Variants in SRSF11 observed in about 807,000 individuals in gnomAD.
SRSF11 encodes the protein serine and arginine rich splicing factor 11, also known as serine/arginine-rich splicing factor 11.
A neutral mutation model predicts 56.0 loss-of-function variants in SRSF11; 9 were observed. That is an observed-to-expected ratio of 0.16 (90% CI 0.10 to 0.28). The LOEUF is 0.28. Among genes scored for constraint, SRSF11 ranks in the 10% least tolerant of loss-of-function variants. The probability of loss-of-function intolerance (pLI) is 1.00; values close to 1 mark genes in which losing one functional copy is unlikely to be tolerated. For missense variants in SRSF11, 421 were observed against 600.7 expected (o/e 0.70, Z 3.13); for synonymous variants, 222 against 215.3 (o/e 1.03, Z -0.27).
intron 8 of SRSF11, 64 bp from the exon 9 acceptor site, chr1:70,246,754 G>A: frequency 1.0e-6 from 1 of 975,092 alleles, no homozygotes; most frequent in Admixed American, 2.1e-5. Context: ...TGTGTTTGTA[G>A]TGCTATATAA....
rs144286981 is a variant in SRSF11, at chr1:70,234,733, C to G, written c.485C>G (p.Thr162Ser). The change falls in exon 4 of 12, where the codon ACT becomes AGT. Residue 162 changes from threonine (T) to serine (S), a missense_variant. Thr to Ser is a moderately conservative substitution (Grantham distance 58). Transcript: ENST00000370949. ...CCACTGGCTGCTTTGGGGGCTCCTA[C>G]TCTTGATCCTGCCCTTGCTGCACTT... ...AVPLAALGAP[T>S]LDPALAALGL... 1.2e-6 allele frequency: 2 copies of G among 1,610,078 alleles called. No homozygotes were observed. Among genetic ancestry groups the G allele is most frequent in the African/African-American group, 2.7e-5 (2 of 74,892 alleles).
intron 4 of SRSF11, 50 bp from the exon 5 acceptor site, chr1:70,235,451 T>C (rs1259295438): frequency 2.7e-6 from 4 of 1,457,000 alleles, no homozygotes; most frequent in Non-Finnish European, 3.8e-6. Flanking sequence ...AAAATATCGG[T>C]CATTTATTGT....
intron 1 of SRSF11, among the ~76,000 whole-genome samples, chr1:70,227,556 G>T (rs942115239): frequency 6.6e-6 from 1 of 152,032 alleles, no homozygotes; most frequent in African/African-American, 2.4e-5. Flanking sequence ...CTGCCTTAGG[G>T]CACTAGCTTT....
At position 70,244,685 on chromosome 1, in the gene SRSF11, C is replaced by T. The variant is rs761258526; in HGVS notation, c.802C>T (p.Arg268Trp). The T allele has an allele frequency of 1.7e-5, 28 of 1,613,414 alleles. 1 individual carries two copies. Among genetic ancestry groups the T allele is most frequent in the East Asian group, 2.2e-5 (1 of 44,854 alleles). ...ATTGGCTTCCTTTTACACTATTAGG[C>T]GGTCAAGAAGCAGATCGAGACGGCG... Reference protein sequence around the residue: ...RRTPSSSRHRRSRSRSRRRSH... With the variant: ...RRTPSSSRHRWSRSRSRRRSH... Residue 268 changes from arginine (R) to tryptophan (W), a missense_variant and splice_region_variant, in exon 8 of 12, where the codon CGG becomes TGG. By Grantham distance (101) the Arg-to-Trp change is moderately radical. Coordinates refer to ENST00000370949, the MANE Select transcript of SRSF11 (RefSeq NM_001350605.2).
intron 1 of SRSF11, among the ~76,000 whole-genome samples, chr1:70,206,046 C>G (rs534950860): frequency 4.9e-4 from 74 of 152,280 alleles, no homozygotes; most frequent in Non-Finnish European, 6.8e-4. Flanking sequence ...AAGAAATTTT[C>G]TGTTCTTAAG....
intron 7 of SRSF11, 111 bp downstream of exon 7, chr1:70,239,631 C>T (rs1385616483): frequency 1.3e-6 from 1 of 762,266 alleles, no homozygotes; most frequent in Non-Finnish European, 2.1e-6. Context: ...GTTTTAGTAA[C>T]CTCTGCTGTT....
intron 3 of SRSF11, among the ~76,000 whole-genome samples, chr1:70,233,678 T>G (rs1673328758): frequency 6.6e-6 from 1 of 152,258 alleles, no homozygotes; most frequent in Admixed American, 6.5e-5. Flanking sequence ...TTTGATAGTT[T>G]GTGTTTACTA....
At chr1:70,240,909 A>G (rs1675234306) in intron 7 of SRSF11, among the ~76,000 whole-genome samples, 1 of 151,544 alleles carries the variant, frequency 6.6e-6, no homozygotes, top group Admixed American at 6.6e-5. Context: ...AATAGCTGGG[A>G]TTACAGGTGT....
chr1:70,219,224 G>A (rs1434465961), upstream of SRSF11, among the ~76,000 whole-genome samples: 1 of 152,216 alleles, frequency 6.6e-6, no homozygotes, highest in Non-Finnish European at 1.5e-5. Flanking sequence ...TTACTCAAGA[G>A]TATGAGGGTA....
At chr1:70,246,959 ACAGTAT>A in intron 9 of SRSF11, 52 bp downstream of exon 9, 1 of 1,466,218 alleles carries the variant, frequency 6.8e-7, no homozygotes, top group Non-Finnish European at 9.4e-7. Context: ...TTTGCTTCTA[ACAGTAT>A]CAGTACGCTG....
At chr1:70,211,902 C>T (rs1669590511) in intron 1 of SRSF11, among the ~76,000 whole-genome samples, 1 of 152,092 alleles carries the variant, frequency 6.6e-6, no homozygotes, top group South Asian at 2.1e-4. Context: ...GAGGTGCTGA[C>T]ATTTTTGCTT....
At chr1:70,230,770 C>T in intron 2 of SRSF11, 1 of 1,162,870 alleles carries the variant, frequency 8.6e-7, no homozygotes, top group Non-Finnish European at 1.1e-6. Flanking sequence ...TTTTAGTTTG[C>T]CAGAAATGTT....
Position 70,221,566 on chromosome 1 carries a change from C to T in SRSF11, c.-71C>T, listed in dbSNP as rs1053078945. 1 of 1,532,338 alleles carries T rather than the reference C, an allele frequency of 6.5e-7. No individual in the cohort carries two copies. The highest frequency in any genetic ancestry group is 8.8e-7 in the Non-Finnish European group (1 of 1,138,014). The allele number at this position is 1,532,338 out of a possible 1,614,324, so 94.9% of individuals were successfully genotyped here. Reference sequence around the variant, plus strand: ...TCCTCTCTCCCGCAATCCGGTTCCTCTTCCCCCTCCTTCTCACTGTTTGTT... The same window carrying T: ...TCCTCTCTCCCGCAATCCGGTTCCTTTTCCCCCTCCTTCTCACTGTTTGTT... On this transcript the variant is annotated 5_prime_UTR_variant, in exon 1 of 12. Coordinates refer to ENST00000370949, the MANE Select transcript of SRSF11 (RefSeq NM_001350605.2).
chr1:70,217,069 T>C (rs192568260), upstream of SRSF11, among the ~76,000 whole-genome samples: 2 of 152,350 alleles, frequency 1.3e-5, no homozygotes, highest in East Asian at 3.9e-4. Context: ...TAACACTTTT[T>C]CCGCCATCCC....
At position 70,252,165 on chromosome 1, in the gene SRSF11, A is replaced by G. The variant is rs542574952; in HGVS notation, c.*1360A>G. The G allele has an allele frequency of 3.3e-5, 5 of 152,528 alleles. No individual in the cohort carries two copies. In the South Asian group the frequency reaches 1.0e-3, roughly 32 times the overall value. 9.4% of individuals were successfully genotyped at this position (152,528 alleles called of 1,614,324 possible). ...GTGATAATTGCCATCAAAATTGTCA[A>G]AAATGATTTAATTTCTATCCAAAAT... On this transcript the variant is annotated 3_prime_UTR_variant, in exon 12 of 12. Coordinates refer to ENST00000370949, the MANE Select transcript of SRSF11 (RefSeq NM_001350605.2).
chr1:70,233,808 A>C (rs149561270), intron 3 of SRSF11, among the ~76,000 whole-genome samples: 1 of 152,308 alleles, frequency 6.6e-6, no homozygotes, highest in East Asian at 1.9e-4. Flanking sequence ...ATTATGGATT[A>C]ATCAGAATTG....
chr1:70,239,694 G>A (rs1346906053), intron 7 of SRSF11, among the ~76,000 whole-genome samples, 174 bp downstream of exon 7: 2 of 152,126 alleles, frequency 1.3e-5, no homozygotes, highest in African/African-American at 4.8e-5. Context: ...AGCGACAGAC[G>A]AAATAGATGA....
intron 2 of SRSF11, chr1:70,231,812 A>G (rs753083700): frequency 2.2e-6 from 3 of 1,389,262 alleles, no homozygotes; most frequent in African/African-American, 2.9e-5. Flanking sequence ...CCCCTAAATC[A>G]AACTTTTTTT....
At chr1:70,239,828 A>T (rs1571858572) in intron 7 of SRSF11, among the ~76,000 whole-genome samples, 1 of 152,344 alleles carries the variant, frequency 6.6e-6, no homozygotes, top group South Asian at 2.1e-4. Flanking sequence ...TGTATTTGTT[A>T]TCTAGTGTCA....
Sources: allele counts gnomAD v4.1 joint callset (sites outside exome capture counted in the v4.1 genomes callset), GRCh38; gene constraint gnomAD v4.1.1; transcripts MANE v1.5; gene names NCBI Gene and HGNC (gene_info 2026-07-23, HGNC 2026-07-21).